Variants in NRG3 observed in about 807,000 individuals in gnomAD.
NRG3 encodes the protein neuregulin 3.
NRG3 carries 31 observed loss-of-function variants against 66.9 expected under a neutral mutation model. The ratio of observed to expected loss-of-function variants is 0.46; its 90% CI spans 0.35 to 0.63. NRG3 has a LOEUF of 0.63. Among genes scored for constraint, NRG3 ranks in the 20% least tolerant of loss-of-function variants. The probability of loss-of-function intolerance (pLI) is 0.00; values close to 1 mark genes in which losing one functional copy is unlikely to be tolerated. For missense variants in NRG3, 910 were observed against 878.9 expected (o/e 1.04, Z -0.45); for synonymous variants, 393 against 359.4 (o/e 1.09, Z -1.06).
intron 1 of NRG3, among the ~76,000 whole-genome samples, chr10:82,331,563 C>T (rs1036853808): frequency 5.3e-5 from 8 of 152,050 alleles, no homozygotes; most frequent in Non-Finnish European, 1.0e-4. Context: ...ATTTGCAGTT[C>T]ATGTTATCAT....
At chr10:82,236,980 A>G (rs933615727) in intron 1 of NRG3, among the ~76,000 whole-genome samples, 2 of 152,036 alleles carry the variant, frequency 1.3e-5, no homozygotes, top group African/African-American at 4.8e-5. Context: ...CTCCCAAAGT[A>G]CTGGGATTAC....
chr10:82,960,947 A>C (rs1850579731), intron 6 of NRG3, among the ~76,000 whole-genome samples: 1 of 152,134 alleles, frequency 6.6e-6, no homozygotes, highest in African/African-American at 2.4e-5. Flanking sequence ...AGGTGAAATA[A>C]ACAGCCTTGT....
chr10:82,105,632 CTGAA>C (rs1253591712), intron 1 of NRG3, among the ~76,000 whole-genome samples: 1 of 152,174 alleles, frequency 6.6e-6, no homozygotes, highest in Non-Finnish European at 1.5e-5. Context: ...ACGTCATCCT[CTGAA>C]TGATTTGAGG....
chr10:82,727,497 G>A (rs1247846393), intron 2 of NRG3, among the ~76,000 whole-genome samples: 1 of 152,246 alleles, frequency 6.6e-6, no homozygotes, highest in Non-Finnish European at 1.5e-5. Context: ...TCCATGTGGT[G>A]TTGAGCCTGC....
At chr10:82,593,153 T>G (rs2047078626) in intron 2 of NRG3, among the ~76,000 whole-genome samples, 1 of 152,150 alleles carries the variant, frequency 6.6e-6, no homozygotes, top group African/African-American at 2.4e-5. Flanking sequence ...AAGATTTCAG[T>G]GTCATGATAA....
At chr10:82,847,975 A>C (rs1056300396) in intron 3 of NRG3, among the ~76,000 whole-genome samples, 3 of 152,238 alleles carry the variant, frequency 2.0e-5, no homozygotes, top group African/African-American at 4.8e-5. Context: ...ATATCAGAGA[A>C]ACATATATGC....
intron 2 of NRG3, among the ~76,000 whole-genome samples, chr10:82,545,728 C>G (rs1473853099): frequency 2.0e-5 from 3 of 147,820 alleles, no homozygotes; most frequent in Non-Finnish European, 4.5e-5. Context: ...GTAATGCTAT[C>G]TTTCTTGCAG....
chr10:82,427,931 T>C (rs1816124898), intron 2 of NRG3, among the ~76,000 whole-genome samples: 1 of 152,010 alleles, frequency 6.6e-6, no homozygotes, highest in South Asian at 2.1e-4. Flanking sequence ...TAAGTCAGAT[T>C]TTATAGTTTG....
intron 1 of NRG3, among the ~76,000 whole-genome samples, chr10:82,297,566 C>G (rs190432911): frequency 6.6e-6 from 1 of 152,260 alleles, no homozygotes; most frequent in East Asian, 1.9e-4. Context: ...CTCCCCGATT[C>G]TGACTAAATT....
chr10:82,567,555 A>C (rs946527515), intron 2 of NRG3, among the ~76,000 whole-genome samples: 5 of 152,016 alleles, frequency 3.3e-5, no homozygotes, highest in Non-Finnish European at 5.9e-5. Context: ...AGGTAGTTAC[A>C]CTTGACATTT....
chr10:82,866,765 A>G (rs1021897541), intron 4 of NRG3, among the ~76,000 whole-genome samples: 3 of 152,172 alleles, frequency 2.0e-5, no homozygotes, highest in African/African-American at 7.2e-5. Context: ...GATTATAGTC[A>G]TATGGCAGAT....
rs1845005624 is a variant in NRG3, at chr10:82,908,714, G to A, written c.1055-42755G>A. 2.6e-5 allele frequency among the ~76,000 whole-genome samples: 4 copies of A among 152,196 alleles called. No homozygotes were observed. The South Asian group carries it at 8.3e-4, about 32-fold the overall frequency. On this transcript the variant is annotated intron_variant, in intron 4 of 8. Transcript: ENST00000372141. ...TACTATGGACAGAGATGAGCTTCTGGCCATACTAAACTGCTTCAGTGGCTC... is the reference window on the plus strand; with the variant it reads ...TACTATGGACAGAGATGAGCTTCTGACCATACTAAACTGCTTCAGTGGCTC...
chr10:82,569,620 G>A (rs1205949421), intron 2 of NRG3, among the ~76,000 whole-genome samples: 1 of 151,622 alleles, frequency 6.6e-6, no homozygotes, highest in Non-Finnish European at 1.5e-5. Flanking sequence ...CTTAGAAAAC[G>A]TTTTGGGTTT....
chr10:82,249,740 C>T (rs2077399682), intron 1 of NRG3, among the ~76,000 whole-genome samples: 1 of 152,166 alleles, frequency 6.6e-6, no homozygotes, highest in Non-Finnish European at 1.5e-5. Flanking sequence ...GTTTACTAAG[C>T]ACATGGAGAA....
intron 1 of NRG3, among the ~76,000 whole-genome samples, chr10:82,293,790 T>G (rs2079881687): frequency 6.6e-6 from 1 of 152,190 alleles, no homozygotes; most frequent in Non-Finnish European, 1.5e-5. Flanking sequence ...ATGTACCTGC[T>G]TCAGCCTCTT....
intron 2 of NRG3, among the ~76,000 whole-genome samples, chr10:82,522,447 A>G (rs1432554508): frequency 6.6e-6 from 1 of 152,154 alleles, no homozygotes; most frequent in Admixed American, 6.5e-5. Flanking sequence ...GGTTTGTGGT[A>G]CCCCAAAACA....
intron 1 of NRG3, among the ~76,000 whole-genome samples, chr10:81,899,335 C>A (rs552721103): frequency 6.6e-6 from 1 of 152,318 alleles, no homozygotes; most frequent in East Asian, 1.9e-4. Context: ...TTTCACCTAA[C>A]ATTTTGTTAG....
intron 3 of NRG3, among the ~76,000 whole-genome samples, chr10:82,851,304 G>T (rs1564566327): frequency 6.6e-6 from 1 of 152,116 alleles, no homozygotes; most frequent in Non-Finnish European, 1.5e-5. Context: ...TGGTGCTCTT[G>T]GAGGACACGG....
At chr10:82,076,370 T>A (rs1280535816) in intron 1 of NRG3, among the ~76,000 whole-genome samples, 1 of 152,236 alleles carries the variant, frequency 6.6e-6, no homozygotes, top group African/African-American at 2.4e-5. Flanking sequence ...CATTTCACTA[T>A]GATTATTTTG....
Sources: allele counts gnomAD v4.1 joint callset (sites outside exome capture counted in the v4.1 genomes callset), GRCh38; gene constraint gnomAD v4.1.1; transcripts MANE v1.5; gene names NCBI Gene and HGNC (gene_info 2026-07-23, HGNC 2026-07-21).